The following SLC39A11 variants were observed in gnomAD, a reference collection of about 807,000 sequenced individuals.
The protein encoded by SLC39A11 is zinc transporter ZIP11.
Under a neutral mutation model 36.1 loss-of-function variants are expected in SLC39A11, and 33 were observed. That is an observed-to-expected ratio of 0.91 (90% CI 0.69 to 1.22). The LOEUF (loss-of-function observed/expected upper bound fraction) is 1.22. Ranked by LOEUF, SLC39A11 falls within the 50% of genes most tolerant of loss-of-function variation. The pLI is 0.00. For missense variants in SLC39A11, 432 were observed against 430.3 expected (o/e 1.00, Z -0.03); for synonymous variants, 166 against 170.3 (o/e 0.97, Z 0.20).
chr17:72,762,402 T>C (rs7208641), intron 6 of SLC39A11, among the ~76,000 whole-genome samples: 7,090 of 152,252 alleles, frequency 0.047, 533 homozygotes, highest in African/African-American at 0.16. Context: ...ACAAATGCCA[T>C]GGCAACACCA....
intron 6 of SLC39A11, among the ~76,000 whole-genome samples, chr17:72,825,874 A>G (rs2078009136): frequency 6.6e-6 from 1 of 152,198 alleles, no homozygotes; most frequent in Non-Finnish European, 1.5e-5. Flanking sequence ...CTTAGAAGTA[A>G]CTGACTGGGT....
At chr17:73,038,436 C>T (rs546639099) in intron 3 of SLC39A11, among the ~76,000 whole-genome samples, 10 of 151,656 alleles carry the variant, frequency 6.6e-5, no homozygotes, top group East Asian at 2.0e-4. Flanking sequence ...CAGTGGCTCA[C>T]GCCTGTAATC....
intron 5 of SLC39A11, among the ~76,000 whole-genome samples, chr17:72,885,173 G>GT (rs1269065176): frequency 6.6e-6 from 1 of 152,106 alleles, no homozygotes; most frequent in Non-Finnish European, 1.5e-5. Flanking sequence ...CAGCTTATAG[G>GT]TTTTCCCTGC....
intron 7 of SLC39A11, among the ~76,000 whole-genome samples, chr17:72,690,930 G>T (rs560653059): frequency 6.6e-6 from 1 of 152,176 alleles, no homozygotes; most frequent in East Asian, 1.9e-4. Flanking sequence ...ACCTGGAAAC[G>T]TCTAGAGTAG....
chr17:72,867,371 G>A (rs2080354513), intron 5 of SLC39A11, among the ~76,000 whole-genome samples: 1 of 152,064 alleles, frequency 6.6e-6, no homozygotes, highest in African/African-American at 2.4e-5. Context: ...ATGGTGGCAT[G>A]CACCTGTAAT....
At chr17:72,681,016 A>G (rs2071489022) in intron 7 of SLC39A11, among the ~76,000 whole-genome samples, 1 of 152,106 alleles carries the variant, frequency 6.6e-6, no homozygotes, top group Non-Finnish European at 1.5e-5. Context: ...ATCTTGGCTC[A>G]TTGTTAACCT....
chr17:72,885,237 C>G (rs1418796493), intron 5 of SLC39A11, among the ~76,000 whole-genome samples: 1 of 152,210 alleles, frequency 6.6e-6, no homozygotes, highest in Admixed American at 6.5e-5. Context: ...TGGAATTAAA[C>G]AGCTTCCTAT....
chr17:72,804,954 T>C (rs187659311), intron 6 of SLC39A11, among the ~76,000 whole-genome samples: 1 of 152,008 alleles, frequency 6.6e-6, no homozygotes, highest in African/African-American at 2.4e-5. Context: ...AGGCGAAGGT[T>C]GCAGTGAGCC....
At chr17:73,086,873 C>G (rs1348801859) in intron 2 of SLC39A11, among the ~76,000 whole-genome samples, 2 of 151,264 alleles carry the variant, frequency 1.3e-5, no homozygotes, top group Non-Finnish European at 2.9e-5. Context: ...GGGTTACCAG[C>G]GAAACCCCGT....
At chr17:72,934,730 T>C (rs1189382356) in intron 5 of SLC39A11, among the ~76,000 whole-genome samples, 1 of 152,098 alleles carries the variant, frequency 6.6e-6, no homozygotes, top group Non-Finnish European at 1.5e-5. Flanking sequence ...AAGCAAAAGA[T>C]TTTGACACCA....
chr17:73,009,963 A>C (rs1205442193), intron 4 of SLC39A11, among the ~76,000 whole-genome samples: 2 of 151,746 alleles, frequency 1.3e-5, no homozygotes, highest in South Asian at 2.1e-4. Context: ...GAATACAACA[A>C]ATTTTTTAAG....
At chr17:73,004,670 G>T (rs1227209307) in intron 4 of SLC39A11, among the ~76,000 whole-genome samples, 3 of 152,236 alleles carry the variant, frequency 2.0e-5, no homozygotes, top group African/African-American at 7.2e-5. Context: ...AAGTTAAAGC[G>T]TAAGACACCT....
intron 4 of SLC39A11, among the ~76,000 whole-genome samples, chr17:72,960,880 G>C (rs2086567908): frequency 6.6e-6 from 1 of 151,920 alleles, no homozygotes; most frequent in Non-Finnish European, 1.5e-5. Flanking sequence ...ATAAAAGTAA[G>C]TACACCAGCG....
chr17:72,917,314 T>C (rs1479765917), intron 5 of SLC39A11, among the ~76,000 whole-genome samples: 1 of 152,252 alleles, frequency 6.6e-6, no homozygotes, highest in Non-Finnish European at 1.5e-5. Flanking sequence ...GCACTGTGTC[T>C]GGGCTGTGGA....
chr17:72,712,486 T>C (rs933962632), intron 7 of SLC39A11, among the ~76,000 whole-genome samples: 3 of 152,234 alleles, frequency 2.0e-5, no homozygotes, highest in African/African-American at 4.8e-5. Context: ...TGTTTTTTAA[T>C]AGAAGGTGAT....
At chr17:72,728,936 G>A (rs2074042752) in intron 7 of SLC39A11, among the ~76,000 whole-genome samples, 1 of 152,068 alleles carries the variant, frequency 6.6e-6, no homozygotes, top group African/African-American at 2.4e-5. Context: ...GGTTCTGTAC[G>A]CAACAGCTCT....
chr17:72,909,338 G>A lies in SLC39A11; in HGVS notation c.430+38414C>T, dbSNP rs1489144239. Among the ~76,000 whole-genome samples the A allele has an allele frequency of 2.6e-5, 4 of 152,204 alleles. No homozygotes were observed. The East Asian group carries it at 7.7e-4, about 29-fold the overall frequency. On this transcript the variant is annotated intron_variant, in intron 5 of 9. Transcript: ENST00000255559. ...GATTCTGGGGAGAGTCACGTTGCCTGTTAGCAAATTAACCTTAGAGGGGTC... is the reference window on the plus strand; with the variant it reads ...GATTCTGGGGAGAGTCACGTTGCCTATTAGCAAATTAACCTTAGAGGGGTC...
At chr17:72,787,002 T>A (rs867953092) in intron 6 of SLC39A11, among the ~76,000 whole-genome samples, 4 of 151,856 alleles carry the variant, frequency 2.6e-5, no homozygotes, top group Admixed American at 6.6e-5. Context: ...GTATTTTTAG[T>A]AGAGACGGGG....
At chr17:73,009,742 ATTTT>A (rs1235841094) in intron 4 of SLC39A11, among the ~76,000 whole-genome samples, 2 of 152,014 alleles carry the variant, frequency 1.3e-5, no homozygotes, top group South Asian at 4.1e-4. Context: ...AATACAACAA[ATTTT>A]TTTTATTATA....
Sources: allele counts gnomAD v4.1 joint callset (sites outside exome capture counted in the v4.1 genomes callset), GRCh38; gene constraint gnomAD v4.1.1; transcripts MANE v1.5; gene names NCBI Gene and HGNC (gene_info 2026-07-23, HGNC 2026-07-21).